RELN: variants seen among roughly 807,000 people sequenced by gnomAD.
RELN encodes reelin.
A neutral mutation model predicts 427.6 loss-of-function variants in RELN; 108 were observed. That is an observed-to-expected ratio of 0.25 (90% CI 0.22 to 0.30). RELN has a LOEUF of 0.30. Ranked by LOEUF, RELN falls within the 10% of genes least tolerant of loss-of-function variation. The pLI is 1.00. For missense variants in RELN, 3,715 were observed against 4,302.8 expected (o/e 0.86, Z 3.82); for synonymous variants, 1,524 against 1,513.4 (o/e 1.01, Z -0.16).
chr7:103,635,779 A>C (rs1475172579), intron 18 of RELN, among the ~76,000 whole-genome samples, 193 bp from the exon 19 acceptor site: 1 of 152,212 alleles, frequency 6.6e-6, no homozygotes, highest in African/African-American at 2.4e-5. Context: ...TTATGTACAG[A>C]TAGATCCATA....
At chr7:103,567,749 C>T (rs362729) in intron 31 of RELN, among the ~76,000 whole-genome samples, 110,983 of 150,166 alleles carry the variant, frequency 0.74, 41,306 homozygotes, top group African/African-American at 0.82. Context: ...ATAGATATTA[C>T]GCTCAGTAAA....
Position 103,833,613 on chromosome 7 carries a change from C to A in RELN, c.397G>T (p.Val133Leu). The change falls in exon 3 of 65, where the codon GTG becomes TTG. Residue 133 changes from valine to leucine, a missense_variant. Physicochemically the swap from Val to Leu is conservative, Grantham distance 32 (BLOSUM62 1). Coordinates refer to ENST00000428762, the MANE Select transcript of RELN (RefSeq NM_005045.4). ...AGGTTGGTTGTGGGCAGGTGACTCA[C>A]GTGAGAGGCTACCACACTGCACATA... ...QFMCSVVASHVSHLPTTNLSF... is the reference protein window; with the variant it reads ...QFMCSVVASHLSHLPTTNLSF... The A allele has an allele frequency of 6.2e-7, 1 of 1,613,648 alleles. No individual in the cohort carries two copies. The highest frequency in any genetic ancestry group is 8.5e-7 in the Non-Finnish European group (1 of 1,179,608).
intron 11 of RELN, among the ~76,000 whole-genome samples, chr7:103,669,362 G>T (rs560680828): frequency 2.6e-5 from 4 of 152,136 alleles, no homozygotes; most frequent in Non-Finnish European, 5.9e-5. Flanking sequence ...TAAAAATTCA[G>T]GAGGAGCCTG....
At position 103,636,307 on chromosome 7, in the gene RELN, C is replaced by T. The variant is rs1268141513; in HGVS notation, c.2231G>A (p.Gly744Asp). ...ATCTTTGTTGAAAACCAGGGCCTTA[C>T]CACTGGCCAAGACACCACAACCAAA... The part of the protein sequence containing the change: ...VSFGCGVLAS[G>D]KALVFNKDGR... The change falls in exon 18 of 65, where the codon GGT becomes GAT. Residue 744 changes from glycine to aspartate, a missense_variant. By Grantham distance (94) the Gly-to-Asp change is moderately conservative. This residue lies in a region of RELN where 2,208 missense variants were observed against 2,361.7 expected (regional missense o/e 0.93). Coordinates refer to ENST00000428762, the MANE Select transcript of RELN (RefSeq NM_005045.4). 1.2e-6 allele frequency: 2 copies of T among 1,614,004 alleles called. No homozygotes were observed. Among genetic ancestry groups the T allele is most frequent in the African/African-American group, 1.3e-5 (1 of 75,034 alleles).
intron 3 of RELN, among the ~76,000 whole-genome samples, chr7:103,806,309 C>T (rs1236069603): frequency 2.6e-5 from 4 of 151,906 alleles, no homozygotes; most frequent in African/African-American, 7.3e-5. Context: ...AATGGAACTC[C>T]CTCTAAGCAC....
intron 1 of RELN, among the ~76,000 whole-genome samples, chr7:103,975,791 C>T (rs1796867260): frequency 6.6e-6 from 1 of 151,156 alleles, no homozygotes; most frequent in East Asian, 1.9e-4. Context: ...CATGATCCGC[C>T]CACCTTGGCA....
chr7:103,579,384 G>C (rs375525464), intron 28 of RELN, among the ~76,000 whole-genome samples: 77 of 152,228 alleles, frequency 5.1e-4, no homozygotes, highest in Middle Eastern at 3.4e-3. Context: ...GGATCACTTA[G>C]TGTTACGAGT....
At chr7:103,648,662 T>C (rs774908967) in intron 16 of RELN, among the ~76,000 whole-genome samples, 25 of 151,896 alleles carry the variant, frequency 1.6e-4, no homozygotes, top group Non-Finnish European at 3.1e-4. Context: ...AACCTACAGA[T>C]TGGGAGAAAA....
intron 10 of RELN, among the ~76,000 whole-genome samples, chr7:103,683,918 A>G (rs1252043056): frequency 2.0e-5 from 3 of 152,192 alleles, no homozygotes; most frequent in African/African-American, 7.2e-5. Context: ...CCACACAGCT[A>G]CAGATGGCTT....
At position 103,781,379 on chromosome 7, in the gene RELN, T is replaced by C. The variant is rs1438998397; in HGVS notation, c.474-4752A>G. Reference sequence around the variant, plus strand: ...TATATATTATATATTCCAAAATTGCTAAAAGCACAGTAACTCACAATTAAG... The same window carrying C: ...TATATATTATATATTCCAAAATTGCCAAAAGCACAGTAACTCACAATTAAG... On this transcript the variant is annotated intron_variant, in intron 3 of 64. Transcript: ENST00000428762. Among the ~76,000 whole-genome samples the C allele has an allele frequency of 2.6e-5, 4 of 152,166 alleles. No homozygotes were observed. In the East Asian group the frequency reaches 7.7e-4, roughly 29 times the overall value.
intron 3 of RELN, among the ~76,000 whole-genome samples, chr7:103,791,513 G>C (rs1454732246): frequency 2.0e-5 from 3 of 152,106 alleles, no homozygotes; most frequent in Non-Finnish European, 4.4e-5. Flanking sequence ...ATAATGTTCA[G>C]TCAACTGGAT....
intron 36 of RELN, 26 bp from the exon 37 acceptor site, chr7:103,558,075 G>A (rs1830564490): frequency 4.1e-6 from 5 of 1,221,730 alleles, no homozygotes; most frequent in Non-Finnish European, 6.1e-6. Context: ...TATACGTTAA[G>A]CAACTTTTTT....
rs369516664 is a variant in RELN at position 103,977,858 on chromosome 7, G to C, written c.226+11273C>G. On this transcript the variant is annotated intron_variant, in intron 1 of 64. Transcript: ENST00000428762. ...GACACACCTGCCACTCTCCAAAATGGCAGCTAATAAAATTTACGCTTTTCC... is the reference window on the plus strand; with the variant it reads ...GACACACCTGCCACTCTCCAAAATGCCAGCTAATAAAATTTACGCTTTTCC... Among the ~76,000 whole-genome samples, 306 of 152,202 alleles carry C rather than the reference G, an allele frequency of 2.0e-3. 2 individuals carry two copies. Among genetic ancestry groups the C allele is most frequent in the African/African-American group, 6.9e-3 (287 of 41,512 alleles).
In RELN at chr7:103,603,202, G is replaced by A. The variant is rs188283940; in HGVS notation, c.3333+102C>T. On this transcript the variant is annotated intron_variant, in intron 24 of 64. Coordinates refer to ENST00000428762, the MANE Select transcript of RELN (RefSeq NM_005045.4). The surrounding 1 kb of genome is among the most constrained non-coding windows in gnomAD (Gnocchi z 4.3). ...TAGAGCCCACTCAAAAGCGGGGAAC[G>A]TGGGGAACAATAGAACCACTTCATA... The A allele has an allele frequency of 7.6e-5, 74 of 970,556 alleles. 1 individual carries two copies. In the East Asian group the frequency reaches 1.2e-3, roughly 15 times the overall value. The allele number at this position is 970,556 out of a possible 1,614,324, so 60.1% of individuals were successfully genotyped here.
intron 2 of RELN, among the ~76,000 whole-genome samples, chr7:103,898,653 T>C (rs543944620): frequency 3.2e-4 from 48 of 151,870 alleles, no homozygotes; most frequent in Non-Finnish European, 6.3e-4. Flanking sequence ...TCTCATACTG[T>C]TGTAATTAAG....
chr7:103,532,800 T>G (rs1031611255), intron 46 of RELN, among the ~76,000 whole-genome samples: 1 of 152,218 alleles, frequency 6.6e-6, no homozygotes, highest in Non-Finnish European at 1.5e-5. Context: ...TCCTTGGCCT[T>G]CTTGACCAGG....
chr7:103,476,714 A>G lies in RELN; in HGVS notation c.10286+1675T>C, dbSNP rs150194015. ...AAATTGACATGGTTACTAAACAGTT[A>G]TTGTACCTTCTAAAATGTCTAACAG... On this transcript the variant is annotated intron_variant, in intron 64 of 64. Coordinates refer to ENST00000428762, the MANE Select transcript of RELN (RefSeq NM_005045.4). 3,002 of 416,892 alleles carry G rather than the reference A, an allele frequency of 7.2e-3. 27 individuals are homozygous for G. The highest frequency in any genetic ancestry group is 0.029 in the Middle Eastern group (80 of 2,790). The allele number at this position is 416,892 out of a possible 1,614,324, so 25.8% of individuals were successfully genotyped here.
chr7:103,644,876 G>C (rs1832766924), intron 16 of RELN, among the ~76,000 whole-genome samples: 1 of 151,566 alleles, frequency 6.6e-6, no homozygotes, highest in Admixed American at 6.6e-5. Context: ...AGATTAGCAT[G>C]GGAAAAATAT....
At chr7:103,485,621 T>C (rs753610135) in intron 61 of RELN, among the ~76,000 whole-genome samples, 5 of 152,172 alleles carry the variant, frequency 3.3e-5, no homozygotes, top group Non-Finnish European at 7.4e-5. Context: ...ATTCAATCCT[T>C]CTTATGTCTT....
Sources: gnomAD v4.1 joint callset for allele counts (sites outside exome capture counted in the v4.1 genomes callset) on GRCh38, gnomAD v4.1.1 for gene constraint, gnomAD v4.1.1 regional missense constraint, Gnocchi (gnomAD v3.1) non-coding constraint, MANE v1.5 for transcripts, NCBI Gene and HGNC (gene_info 2026-07-23, HGNC 2026-07-21) for gene names.